Variants in NRDC observed in about 807,000 individuals in gnomAD.
NRDC encodes nardilysin.
Under a neutral mutation model 147.1 loss-of-function variants are expected in NRDC, and 54 were observed. The ratio of observed to expected loss-of-function variants is 0.37; its 90% CI spans 0.29 to 0.46. The LOEUF (loss-of-function observed/expected upper bound fraction) is 0.46, where lower values mean the gene tolerates loss of function less well. Ranked by LOEUF, NRDC falls within the 20% of genes least tolerant of loss-of-function variation. The pLI, the probability that NRDC is intolerant of heterozygous loss-of-function variation, is 1.00. For missense variants in NRDC, 1,082 were observed against 1,370.6 expected (o/e 0.79, Z 3.33); for synonymous variants, 440 against 482.1 (o/e 0.91, Z 1.14).
chr1:51,853,385 G>A (rs1180049620), intron 1 of NRDC, among the ~76,000 whole-genome samples: 1 of 151,560 alleles, frequency 6.6e-6, no homozygotes, highest in African/African-American at 2.4e-5. Context: ...TCCCTCCTTA[G>A]AAGTCTGCTC....
chr1:51,863,828 TA>T (rs1378695360), intron 1 of NRDC, among the ~76,000 whole-genome samples: 1 of 152,216 alleles, frequency 6.6e-6, no homozygotes, highest in Non-Finnish European at 1.5e-5. Flanking sequence ...TATGCTCAAT[TA>T]AAGTCATATA....
In NRDC at chr1:51,794,932, C is replaced by A. The variant is rs1678826387; in HGVS notation, c.2605-78G>T. On this transcript the variant is annotated intron_variant, in intron 22 of 30. Coordinates refer to ENST00000352171, the MANE Select transcript of NRDC (RefSeq NM_001101662.2). Reference sequence around the variant, plus strand: ...CCAGAATCAGCTAATATCAATGTTCCAATTGCTTGGGGAGCCCTGCATAGC... The same window carrying A: ...CCAGAATCAGCTAATATCAATGTTCAAATTGCTTGGGGAGCCCTGCATAGC... 8.1e-6 allele frequency: 13 copies of A among 1,598,594 alleles called. 1 individual carries two copies. The highest frequency in any genetic ancestry group is 1.1e-5 in the Non-Finnish European group (13 of 1,173,472).
rs112586625 is a variant in NRDC, at chr1:51,834,016, C to T, written c.866+1G>A. 6.2e-7 allele frequency: 1 copy of T among 1,612,848 alleles called. No homozygotes were observed. Among genetic ancestry groups the T allele is most frequent in the African/African-American group, 1.3e-5 (1 of 74,888 alleles). On this transcript the variant is annotated splice_donor_variant, in intron 4 of 30. Transcript: ENST00000352171. LOFTEE classifies it high-confidence loss of function. ...ATTAAAGTATATTTAGAGTTAGTTA[C>T]CTATCAAGAGCTTCCTTGAAGTACT...
intron 20 of NRDC, among the ~76,000 whole-genome samples, chr1:51,801,794 A>AT (rs1184746178): frequency 0.016 from 2,321 of 148,712 alleles, 63 homozygotes; most frequent in African/African-American, 0.054. Context: ...AGGTTTTTTG[A>AT]TTTTTTTTTT....
chr1:51,828,619 C>A (rs1036015772), intron 4 of NRDC, among the ~76,000 whole-genome samples: 1 of 151,404 alleles, frequency 6.6e-6, no homozygotes, highest in Admixed American at 6.6e-5. Flanking sequence ...AATAGCAATG[C>A]AATTAAATTG....
At chr1:51,847,429 G>C (rs994095131) in intron 1 of NRDC, among the ~76,000 whole-genome samples, 2 of 152,254 alleles carry the variant, frequency 1.3e-5, no homozygotes, top group Non-Finnish European at 2.9e-5. Context: ...TGGAGCAGGG[G>C]GCGGCGCTCG....
At chr1:51,825,543 C>T (rs1256767775) in intron 5 of NRDC, among the ~76,000 whole-genome samples, 161 bp from the exon 6 acceptor site, 1 of 152,164 alleles carries the variant, frequency 6.6e-6, no homozygotes, top group Non-Finnish European at 1.5e-5. Context: ...CCAGGCCTGG[C>T]TCTATGACTT....
At position 51,792,437 on chromosome 1, in the gene NRDC, G is replaced by C. The variant is rs1678700419; in HGVS notation, c.2776-13C>G. The stretch of plus-strand genomic sequence containing the variant: ...TCCTGGTACCTGACTGAAAAGAGAA[G>C]GTTGTCAGGCCAACTGAATATCCAG... On this transcript the variant is annotated splice_polypyrimidine_tract_variant and intron_variant, in intron 24 of 30. Transcript: ENST00000352171. 1.9e-6 allele frequency: 3 copies of C among 1,613,732 alleles called. No individual in the cohort carries two copies. Among genetic ancestry groups the C allele is most frequent in the Non-Finnish European group, 8.5e-7 (1 of 1,179,656 alleles).
In NRDC at chr1:51,798,339, G is replaced by A. The variant is rs764657732; in HGVS notation, c.2514C>T (p.Gly838=). The A allele has an allele frequency of 4.3e-6, 7 of 1,614,026 alleles. No individual in the cohort carries two copies. The South Asian group carries it at 6.6e-5, about 15-fold the overall frequency. The change falls in exon 22 of 31, where the codon GGC becomes GGT. Residue 838 remains glycine, a synonymous_variant. Coordinates refer to ENST00000352171, the MANE Select transcript of NRDC (RefSeq NM_001101662.2). ...AGCTCAGCAGAGACTCAAGGGAAAG[G>A]CCGTCCATCAAAGCCTGGTACTTGT... ...MIDKYQALMD[G]LSLESLLSFV... is the part of the protein sequence containing the mutation.
At chr1:51,817,186 T>C (rs115306261) in intron 10 of NRDC, among the ~76,000 whole-genome samples, 4,444 of 152,324 alleles carry the variant, frequency 0.029, 103 homozygotes, top group South Asian at 0.1. Flanking sequence ...TCAACTATGT[T>C]AGGCAATCCT....
intron 15 of NRDC, among the ~76,000 whole-genome samples, chr1:51,811,329 A>AT (rs1219325942): frequency 4.6e-5 from 7 of 152,192 alleles, no homozygotes; most frequent in Non-Finnish European, 1.0e-4. Flanking sequence ...CTTCTGCATT[A>AT]TAGGACATTG....
chr1:51,849,604 C>A (rs999171618), intron 1 of NRDC, among the ~76,000 whole-genome samples: 1 of 151,898 alleles, frequency 6.6e-6, no homozygotes, highest in South Asian at 2.1e-4. Context: ...ATCACGAGGT[C>A]AGGAAATCAA....
At chr1:51,860,564 C>A (rs1211874451) in intron 1 of NRDC, among the ~76,000 whole-genome samples, 3 of 152,184 alleles carry the variant, frequency 2.0e-5, no homozygotes, top group East Asian at 3.8e-4. Flanking sequence ...ACCTTGGTCA[C>A]CGGGAGAGTT....
chr1:51,848,163 T>C (rs1681746874), intron 1 of NRDC, among the ~76,000 whole-genome samples: 1 of 152,138 alleles, frequency 6.6e-6, no homozygotes, highest in Non-Finnish European at 1.5e-5. Flanking sequence ...TGAAAAAAGA[T>C]GCAAAATGTA....
chr1:51,831,571 G>A (rs1680709986), intron 4 of NRDC, among the ~76,000 whole-genome samples: 1 of 151,232 alleles, frequency 6.6e-6, no homozygotes, highest in Non-Finnish European at 1.5e-5. Context: ...TGCCTTCATT[G>A]ATTTATCTTT....
At chr1:51,863,864 G>A (rs1218374960) in intron 1 of NRDC, among the ~76,000 whole-genome samples, 2 of 152,036 alleles carry the variant, frequency 1.3e-5, no homozygotes, top group African/African-American at 4.8e-5. Flanking sequence ...CTTACAACAG[G>A]GTTAGGTCCT....
chr1:51,807,775 G>C (rs904054561), intron 17 of NRDC, among the ~76,000 whole-genome samples: 1 of 150,086 alleles, frequency 6.7e-6, no homozygotes, highest in Non-Finnish European at 1.5e-5. Flanking sequence ...AAACTGAAGT[G>C]TCTAATATAG....
Position 51,878,686 on chromosome 1 carries a change from G to T in NRDC, c.-71C>A. On this transcript the variant is annotated 5_prime_UTR_variant, in exon 1 of 31. Coordinates refer to ENST00000352171, the MANE Select transcript of NRDC (RefSeq NM_001101662.2). ...CCTCCTCCGCGTTCTAGAGGCGGTGGCGGCCGGCCCTGGTGCTGCCGCAGC... is the reference window on the plus strand; with the variant it reads ...CCTCCTCCGCGTTCTAGAGGCGGTGTCGGCCGGCCCTGGTGCTGCCGCAGC... 1 of 1,405,880 alleles carries T rather than the reference G, an allele frequency of 7.1e-7. No individual in the cohort carries two copies. The highest frequency in any genetic ancestry group is 9.7e-7 in the Non-Finnish European group (1 of 1,028,794). 87.1% of individuals were successfully genotyped at this position (1,405,880 alleles called of 1,614,324 possible). A position where few individuals can be genotyped will look rare whatever the true frequency, so the allele number is the denominator to read the frequency against.
intron 1 of NRDC, among the ~76,000 whole-genome samples, chr1:51,843,584 T>C (rs1681381882): frequency 6.6e-6 from 1 of 152,214 alleles, no homozygotes; most frequent in Non-Finnish European, 1.5e-5. Context: ...ATTCTGAGTA[T>C]CTCCCATGTA....
Sources: gnomAD v4.1 joint callset for allele counts (sites outside exome capture counted in the v4.1 genomes callset) on GRCh38, gnomAD v4.1.1 for gene constraint, MANE v1.5 for transcripts, NCBI Gene and HGNC (gene_info 2026-07-23, HGNC 2026-07-21) for gene names.